The following ADGRF5 variants were observed in gnomAD, a reference collection of about 807,000 sequenced individuals.
ADGRF5 encodes G-protein coupled receptor 116.
In ADGRF5, 75 loss-of-function variants were observed where a neutral mutation model predicts 132.3. The observed-to-expected ratio is 0.57, with a 90% CI of 0.47 to 0.69. The LOEUF (loss-of-function observed/expected upper bound fraction) is 0.69, where lower values mean the gene tolerates loss of function less well. Ranked by LOEUF, ADGRF5 falls within the 30% of genes least tolerant of loss-of-function variation. The pLI is 0.00. For missense variants in ADGRF5, 1,516 were observed against 1,630.6 expected, an observed-to-expected ratio of 0.93 and a Z score of 1.21; for synonymous variants, 629 against 597.6, an observed-to-expected ratio of 1.05 and a Z score of -0.77.
intron 3 of ADGRF5, among the ~76,000 whole-genome samples, chr6:46,896,658 A>ATG (rs1423498051): frequency 2.4e-5 from 3 of 122,488 alleles, no homozygotes; most frequent in Non-Finnish European, 5.0e-5. Flanking sequence ...TGTGTGAGAT[A>ATG]TATGTGTGTG....
At chr6:46,923,662 C>T (rs977462809), upstream of ADGRF5, among the ~76,000 whole-genome samples, 12 of 152,132 alleles carry the variant, frequency 7.9e-5, no homozygotes, top group Non-Finnish European at 1.3e-4. Flanking sequence ...ATGGAATGGG[C>T]GTTGTCAAAG....
At chr6:46,911,644 A>G (rs985372054) in intron 1 of ADGRF5, among the ~76,000 whole-genome samples, 1 of 152,140 alleles carries the variant, frequency 6.6e-6, no homozygotes, top group East Asian at 1.9e-4. Flanking sequence ...ACACACACTT[A>G]GTCTAGGCCT....
At chr6:46,892,470 G>T (rs1053554003) in intron 3 of ADGRF5, among the ~76,000 whole-genome samples, 2 of 151,872 alleles carry the variant, frequency 1.3e-5, no homozygotes, top group African/African-American at 4.8e-5. Flanking sequence ...TCACATTCAG[G>T]GCCAGGCACG....
chr6:46,892,440 A>G (rs929341858), intron 3 of ADGRF5, among the ~76,000 whole-genome samples: 3 of 152,226 alleles, frequency 2.0e-5, no homozygotes, highest in Non-Finnish European at 4.4e-5. Context: ...TTTATTCAAC[A>G]TAATAAATGT....
chr6:46,874,724 G>T (rs1771449712), intron 10 of ADGRF5, among the ~76,000 whole-genome samples: 1 of 152,168 alleles, frequency 6.6e-6, no homozygotes, highest in Non-Finnish European at 1.5e-5. Flanking sequence ...TGTTGAGGGG[G>T]GTGGAAGGAT....
chr6:46,953,651 G>GTA (rs61302381), intron 1 of ADGRF5, among the ~76,000 whole-genome samples: 2,782 of 41,914 alleles, frequency 0.066, 94 homozygotes, highest in South Asian at 0.15. Context: ...AGATATATGT[G>GTA]TATATATATA....
At chr6:46,925,614 G>A (rs1196650870), upstream of ADGRF5, among the ~76,000 whole-genome samples, 1 of 152,174 alleles carries the variant, frequency 6.6e-6, no homozygotes, top group Non-Finnish European at 1.5e-5. Flanking sequence ...AAAATTAGCA[G>A]GGCGTGTTGG....
intron 2 of ADGRF5, chr6:46,903,532 A>G (rs1192594280): frequency 6.6e-6 from 1 of 152,112 alleles, no homozygotes; most frequent in Admixed American, 6.5e-5. Flanking sequence ...GTGGCTTTTT[A>G]TTCATGAAGA....
chr6:46,950,701 G>T (rs1778465206), intron 1 of ADGRF5, among the ~76,000 whole-genome samples: 2 of 152,246 alleles, frequency 1.3e-5, no homozygotes, highest in South Asian at 4.2e-4. Context: ...TTTTAGTAGA[G>T]ACGGGGTTTC....
At chr6:46,945,127 G>A (rs1015621865) in intron 1 of ADGRF5, among the ~76,000 whole-genome samples, 1 of 152,220 alleles carries the variant, frequency 6.6e-6, no homozygotes, top group African/African-American at 2.4e-5. Flanking sequence ...TGAATATGCA[G>A]TGTCACTCAT....
intron 1 of ADGRF5, among the ~76,000 whole-genome samples, chr6:46,941,631 C>T (rs1314672338): frequency 6.6e-6 from 1 of 151,880 alleles, no homozygotes; most frequent in East Asian, 1.9e-4. Flanking sequence ...TGTTTAATAA[C>T]CACTGAGATA....
chr6:46,870,330 A>T lies in ADGRF5; in HGVS notation c.1412-1238T>A, dbSNP rs556918550. Among the ~76,000 whole-genome samples, 20 of 151,800 alleles carry T rather than the reference A, an allele frequency of 1.3e-4. No homozygotes were observed. The East Asian group carries it at 1.6e-3, about 12-fold the overall frequency. The stretch of plus-strand genomic sequence containing the variant: ...CCCATGCCTGGCTAATTTTATTTTT[A>T]TTTTTTATTGGTAGAGACAGGGCTT... On this transcript the variant is annotated intron_variant, in intron 11 of 20. Transcript: ENST00000283296.
chr6:46,862,230 C>T (rs185325376), intron 15 of ADGRF5, among the ~76,000 whole-genome samples: 43 of 152,246 alleles, frequency 2.8e-4, no homozygotes, highest in Non-Finnish European at 5.3e-4. Flanking sequence ...TTACCTATAA[C>T]CTCACCAGTT....
At chr6:46,920,927 G>A (rs1776875599) in intron 1 of ADGRF5, among the ~76,000 whole-genome samples, 2 of 152,322 alleles carry the variant, frequency 1.3e-5, no homozygotes, top group African/African-American at 4.8e-5. Context: ...ATATAGTCAA[G>A]TATTATCTGT....
Position 46,866,994 on chromosome 6 carries a change from T to G in ADGRF5, c.1765A>C (p.Lys589Gln). 1 of 1,613,904 alleles carries G rather than the reference T, an allele frequency of 6.2e-7. No homozygotes were observed. Among genetic ancestry groups the G allele is most frequent in the Non-Finnish European group, 8.5e-7 (1 of 1,179,822 alleles). The change falls in exon 13 of 21, where the codon AAG becomes CAG. Residue 589 changes from lysine (K) to glutamine (Q), a missense_variant. Transcript: ENST00000283296. ...TVSCSGSHHI[K>Q]CCIEEDGDYK... Reference sequence around the variant, plus strand: ...TCTCCATCCTCCTCTATGCAGCACTTGATGTGATGGGAACCACTGCATGAA... The same window carrying G: ...TCTCCATCCTCCTCTATGCAGCACTGGATGTGATGGGAACCACTGCATGAA...
At chr6:46,874,336 C>T (rs1407590821) in intron 10 of ADGRF5, among the ~76,000 whole-genome samples, 2 of 152,168 alleles carry the variant, frequency 1.3e-5, no homozygotes, top group Non-Finnish European at 2.9e-5. Flanking sequence ...TATTCTCATT[C>T]CCTCTTCCTC....
chr6:46,926,347 G>C (rs530237477), upstream of ADGRF5, among the ~76,000 whole-genome samples: 26 of 152,214 alleles, frequency 1.7e-4, no homozygotes, highest in South Asian at 2.7e-3. Flanking sequence ...TCCAGCACTT[G>C]TTATGACTCC....
chr6:46,952,545 A>G (rs1778537920), intron 1 of ADGRF5, among the ~76,000 whole-genome samples: 1 of 152,254 alleles, frequency 6.6e-6, no homozygotes, highest in Non-Finnish European at 1.5e-5. Context: ...CATGGAAAGT[A>G]CTCAAAATAT....
At chr6:46,888,055 T>TTAA in intron 4 of ADGRF5, 1 of 260,284 alleles carries the variant, frequency 3.8e-6, no homozygotes, top group Non-Finnish European at 6.8e-6. Context: ...TAGTTTATTA[T>TTAA]GAAGGACCTG....
Sources: allele counts gnomAD v4.1 joint callset (sites outside exome capture counted in the v4.1 genomes callset), GRCh38; gene constraint gnomAD v4.1.1; transcripts MANE v1.5; gene names NCBI Gene and HGNC (gene_info 2026-07-23, HGNC 2026-07-21).